The following MATR3 variants were observed in gnomAD, a reference collection of about 807,000 sequenced individuals.
The protein encoded by MATR3 is matrin 3, also known as matrin-3.
In MATR3, 4 loss-of-function variants were observed where a neutral mutation model predicts 85.5. The observed-to-expected ratio is 0.05, with a 90% CI of 0.02 to 0.11. The LOEUF (loss-of-function observed/expected upper bound fraction) is 0.11, where lower values mean the gene tolerates loss of function less well. Among genes scored for constraint, MATR3 ranks in the 10% least tolerant of loss-of-function variants. The pLI is 1.00. For synonymous variants in MATR3, 336 were observed against 343.1 expected, an observed-to-expected ratio of 0.98 and a Z score of 0.23; for missense variants, 685 against 1,016.1, an observed-to-expected ratio of 0.67 and a Z score of 4.43.
At chr5:139,327,304 GTTTT>G (rs1194649334) in intron 14 of MATR3, among the ~76,000 whole-genome samples, 7 of 119,148 alleles carry the variant, frequency 5.9e-5, no homozygotes, top group African/African-American at 1.7e-4. Flanking sequence ...TGTCACTTCT[GTTTT>G]TTTTTTTTTT....
At chr5:139,294,178 G>C (rs954527016) in intron 1 of MATR3, 19 of 721,710 alleles carry the variant, frequency 2.6e-5, no homozygotes, top group Non-Finnish European at 3.3e-5. Flanking sequence ...CGTTACACGC[G>C]GGCCGCGGCG....
intron 1 of MATR3, among the ~76,000 whole-genome samples, chr5:139,300,428 T>C (rs924056050): frequency 6.6e-6 from 1 of 152,192 alleles, no homozygotes; most frequent in Non-Finnish European, 1.5e-5. Context: ...GTGACCAGTA[T>C]GACATTAAAG....
At chr5:139,276,428 T>A in intron 2 of MATR3, 1 of 321,622 alleles carries the variant, frequency 3.1e-6, no homozygotes, top group Non-Finnish European at 6.2e-6. Flanking sequence ...TAACGATAAC[T>A]GATAGCTAAA....
Position 139,331,071 on chromosome 5 carries a change from A to G in MATR3, c.*1676A>G. On this transcript the variant is annotated 3_prime_UTR_variant, in exon 15 of 15. Coordinates refer to ENST00000394805, the MANE Select transcript of MATR3 (RefSeq NM_018834.6). ...CTCCCAAAGTGCTGGGACTGTAGGC[A>G]TGAGCCACCATCCCTGGCCAAGAAA... The G allele has an allele frequency of 2.2e-6, 1 of 454,046 alleles. No homozygotes were observed. The highest frequency in any genetic ancestry group is 4.4e-6 in the Non-Finnish European group (1 of 226,744). The allele number at this position is 454,046 out of a possible 1,614,324, so 28.1% of individuals were successfully genotyped here.
At position 139,293,767 on chromosome 5, in the gene MATR3, A is replaced by C; in HGVS notation, c.-216A>C. 2.6e-6 allele frequency: 1 copy of C among 389,392 alleles called. No individual in the cohort carries two copies. Among genetic ancestry groups the C allele is most frequent in the Non-Finnish European group, 4.5e-6 (1 of 220,896 alleles). 24.1% of individuals were successfully genotyped at this position (389,392 alleles called of 1,614,324 possible). Reference sequence around the variant, plus strand: ...GAGTCTCCGCGTCCCGCTCGCTGGGAGAGAGGTACCTCTCCTTTTCCCTCT... The same window carrying C: ...GAGTCTCCGCGTCCCGCTCGCTGGGCGAGAGGTACCTCTCCTTTTCCCTCT... On this transcript the variant is annotated 5_prime_UTR_variant, in exon 1 of 15. Transcript: ENST00000394805.
At chr5:139,278,163 T>C (rs1296820452) in intron 2 of MATR3, among the ~76,000 whole-genome samples, 4 of 151,944 alleles carry the variant, frequency 2.6e-5, no homozygotes, top group Admixed American at 2.0e-4. Flanking sequence ...ACCCAGGAGA[T>C]TGAGACTACA....
rs1244988821 is a variant in MATR3, at chr5:139,330,653, G to A, written c.*1258G>A. 2 of 453,960 alleles carry A rather than the reference G, an allele frequency of 4.4e-6. No homozygotes were observed. Among genetic ancestry groups the A allele is most frequent in the Non-Finnish European group, 8.8e-6 (2 of 226,782 alleles). 28.1% of individuals were successfully genotyped at this position (453,960 alleles called of 1,614,324 possible). A position where few individuals can be genotyped will look rare whatever the true frequency, so the allele number is the denominator to read the frequency against. ...AACCTTATGAATTAAAAATGCTACAGGTGAACAAACAGAAGCTTATGTTTA... is the reference window on the plus strand; with the variant it reads ...AACCTTATGAATTAAAAATGCTACAAGTGAACAAACAGAAGCTTATGTTTA... On this transcript the variant is annotated 3_prime_UTR_variant, in exon 15 of 15. Coordinates refer to ENST00000394805, the MANE Select transcript of MATR3 (RefSeq NM_018834.6).
At chr5:139,310,677 T>C (rs182346628) in intron 2 of MATR3, 47 of 152,350 alleles carry the variant, frequency 3.1e-4, no homozygotes, top group African/African-American at 8.7e-4. Flanking sequence ...AGTAAGAAAC[T>C]TAAGTTGAAA....
intron 14 of MATR3, among the ~76,000 whole-genome samples, chr5:139,328,092 A>G (rs1028662088): frequency 5.4e-5 from 8 of 148,906 alleles, no homozygotes. Flanking sequence ...TGAACTTCTG[A>G]CCTCAGGTGA....
intron 3 of MATR3, among the ~76,000 whole-genome samples, chr5:139,287,788 C>T: frequency 6.6e-6 from 1 of 152,208 alleles, no homozygotes; most frequent in Admixed American, 6.6e-5. Flanking sequence ...TGCTCACAAA[C>T]AGGCCCACTT....
exon 3 of MATR3, chr5:139,279,065 A>C (rs1302831011): frequency 6.5e-6 from 3 of 464,602 alleles, no homozygotes; most frequent in African/African-American, 4.0e-5. Context: ...CTTCACCTGA[A>C]TGACATCTAC....
At chr5:139,276,330 C>A (rs1345505529) in intron 2 of MATR3, 4 of 415,866 alleles carry the variant, frequency 9.6e-6, no homozygotes, top group South Asian at 1.7e-5. Context: ...AGTTGCTTAT[C>A]CATTAAGGCA....
intron 14 of MATR3, among the ~76,000 whole-genome samples, chr5:139,326,977 CTT>C (rs1371232701): frequency 3.3e-5 from 5 of 152,124 alleles, no homozygotes; most frequent in African/African-American, 2.4e-5. Context: ...ATTATTGACA[CTT>C]CAGTTATTTT....
intron 12 of MATR3, among the ~76,000 whole-genome samples, chr5:139,324,754 A>C (rs567450806): frequency 6.6e-6 from 1 of 152,364 alleles, no homozygotes; most frequent in East Asian, 1.9e-4. Context: ...ATAAAATATG[A>C]ATATTCCTAT....
At chr5:139,285,877 A>G (rs1347157440) in intron 3 of MATR3, among the ~76,000 whole-genome samples, 1 of 152,190 alleles carries the variant, frequency 6.6e-6, no homozygotes, top group African/African-American at 2.4e-5. Flanking sequence ...AGAGGAAAAA[A>G]AAATGAAAAA....
intron 7 of MATR3, among the ~76,000 whole-genome samples, 179 bp from the exon 8 acceptor site, chr5:139,318,729 G>T (rs958761177): frequency 1.3e-5 from 2 of 152,274 alleles, no homozygotes; most frequent in Non-Finnish European, 2.9e-5. Flanking sequence ...ACAGGCATGA[G>T]ATACTGGGCC....
chr5:139,306,130 A>G (rs1754694449), intron 1 of MATR3, among the ~76,000 whole-genome samples: 1 of 152,214 alleles, frequency 6.6e-6, no homozygotes, highest in Non-Finnish European at 1.5e-5. Context: ...AAATTGTTTC[A>G]CTGAAGATGT....
intron 14 of MATR3, among the ~76,000 whole-genome samples, chr5:139,326,698 T>A (rs1445600320): frequency 6.6e-6 from 1 of 152,200 alleles, no homozygotes; most frequent in Non-Finnish European, 1.5e-5. Context: ...GTGCTGGGAT[T>A]ACAGGCATGA....
At chr5:139,328,288 T>TTTG (rs10542223) in intron 14 of MATR3, among the ~76,000 whole-genome samples, 3 of 152,230 alleles carry the variant, frequency 2.0e-5, no homozygotes, top group African/African-American at 7.2e-5. Flanking sequence ...GGGGTGATTT[T>TTTG]TTGTTGTTGT....
Sources: allele counts gnomAD v4.1 joint callset (sites outside exome capture counted in the v4.1 genomes callset), GRCh38; gene constraint gnomAD v4.1.1; transcripts MANE v1.5; gene names NCBI Gene and HGNC (gene_info 2026-07-23, HGNC 2026-07-21).